ARK2C: variants seen among roughly 807,000 people sequenced by gnomAD.
ARK2C encodes the protein arkadia (RNF111) C-terminal like ring finger ubiquitin ligase 2C.
the ARK2C span, chr18:46,336,637 A>G: frequency 1.0e-6 from 1 of 985,458 alleles, no homozygotes; most frequent in Non-Finnish European, 1.2e-6. Context: ...TTTCCATTGT[A>G]GTAGTGTAGG....
the ARK2C span, among the ~76,000 whole-genome samples, chr18:46,401,275 G>A: frequency 6.6e-6 from 1 of 152,138 alleles, no homozygotes. Flanking sequence ...TCCCAGGCAT[G>A]GCCACACCAA....
the ARK2C span, among the ~76,000 whole-genome samples, chr18:46,426,210 T>C: frequency 6.6e-6 from 1 of 152,214 alleles, no homozygotes; most frequent in African/African-American, 2.4e-5. Context: ...TGTTCCCTTC[T>C]GCCCGTCCAC....
the ARK2C span, among the ~76,000 whole-genome samples, chr18:46,350,145 C>T: frequency 6.6e-6 from 1 of 152,206 alleles, no homozygotes; most frequent in African/African-American, 2.4e-5. Context: ...ACTGCCTTCC[C>T]CTTCTTTTCT....
At chr18:46,396,326 G>A in the ARK2C span, among the ~76,000 whole-genome samples, 1 of 152,176 alleles carries the variant, frequency 6.6e-6, no homozygotes, top group African/African-American at 2.4e-5. Context: ...TGCTCATCTG[G>A]TCTTCTGGCT....
chr18:46,386,157 CT>C, the ARK2C span: 1 of 152,248 alleles, frequency 6.6e-6, no homozygotes, highest in Non-Finnish European at 1.5e-5. Flanking sequence ...TGTTAGCTAC[CT>C]ACATGCCAGG....
At chr18:46,399,273 G>A in the ARK2C span, among the ~76,000 whole-genome samples, 3 of 152,164 alleles carry the variant, frequency 2.0e-5, no homozygotes, top group South Asian at 2.1e-4. Context: ...GCAGTGCTCC[G>A]GCAGCTTGGG....
At chr18:46,360,218 G>A in the ARK2C span, among the ~76,000 whole-genome samples, 1 of 152,192 alleles carries the variant, frequency 6.6e-6, no homozygotes, top group Admixed American at 6.5e-5. Flanking sequence ...TCTCCCGCAT[G>A]GGGCCCTCAG....
chr18:46,453,273 G>A, the ARK2C span, among the ~76,000 whole-genome samples: 1 of 152,152 alleles, frequency 6.6e-6, no homozygotes, highest in African/African-American at 2.4e-5. Context: ...ATCATTCTCT[G>A]GAGAGAGAGA....
chr18:46,370,867 G>T, the ARK2C span, among the ~76,000 whole-genome samples: 1 of 152,202 alleles, frequency 6.6e-6, no homozygotes, highest in African/African-American at 2.4e-5. Context: ...ATGAGCTTTG[G>T]AAGCCAATGG....
At chr18:46,383,550 G>GTTTTTTTTTTTTTT in the ARK2C span, among the ~76,000 whole-genome samples, 1 of 97,892 alleles carries the variant, frequency 1.0e-5, no homozygotes, top group Non-Finnish European at 2.0e-5. Flanking sequence ...GGTTTTCTCT[G>GTTTTTTTTTTTTTT]TTTTTTTTTT....
At chr18:46,419,639 G>T in the ARK2C span, among the ~76,000 whole-genome samples, 2,532 of 152,308 alleles carry the variant, frequency 0.017, 30 homozygotes, top group South Asian at 0.049. Context: ...AGTGGGCAGC[G>T]CACAGCTGGA....
the ARK2C span, chr18:46,447,711 A>T: frequency 6.2e-7 from 1 of 1,613,684 alleles, no homozygotes; most frequent in South Asian, 1.1e-5. Flanking sequence ...AAGAAGACGG[A>T]CTCCCTTGCG....
the ARK2C span, among the ~76,000 whole-genome samples, chr18:46,450,996 T>C: frequency 9.2e-4 from 140 of 152,114 alleles, 1 homozygote; most frequent in Admixed American, 1.6e-3. Flanking sequence ...GGAGGGAAGA[T>C]GGAAGGCCTC....
the ARK2C span, chr18:46,456,404 C>A: frequency 2.6e-6 from 2 of 765,588 alleles, no homozygotes; most frequent in African/African-American, 1.7e-5. Flanking sequence ...CCCATCTCAG[C>A]CACAGCCTCC....
chr18:46,433,398 C>G, the ARK2C span: 1 of 1,613,328 alleles, frequency 6.2e-7, no homozygotes, highest in Admixed American at 1.7e-5. Context: ...CCCTGCAGTT[C>G]CAGGACGTCA....
chr18:46,367,305 C>T, the ARK2C span, among the ~76,000 whole-genome samples: 36 of 152,288 alleles, frequency 2.4e-4, no homozygotes, highest in East Asian at 6.0e-3. Context: ...TTTCCATTTG[C>T]TTTAAAAGTC....
the ARK2C span, among the ~76,000 whole-genome samples, chr18:46,359,522 G>GCTGA: frequency 6.6e-6 from 1 of 152,250 alleles, no homozygotes; most frequent in East Asian, 1.9e-4. Context: ...GGAATAGCAA[G>GCTGA]CTGACTGGTG....
At chr18:46,397,379 G>A in the ARK2C span, among the ~76,000 whole-genome samples, 3 of 151,790 alleles carry the variant, frequency 2.0e-5, no homozygotes, top group Admixed American at 6.6e-5. Flanking sequence ...GCCTGTGTGT[G>A]TGTGTGGTCA....
the ARK2C span, among the ~76,000 whole-genome samples, chr18:46,452,292 T>A: frequency 6.6e-6 from 1 of 152,224 alleles, no homozygotes; most frequent in Non-Finnish European, 1.5e-5. Flanking sequence ...ATTGTTATTA[T>A]TTTTTGAGAC....
Sources: allele counts gnomAD v4.1 joint callset (sites outside exome capture counted in the v4.1 genomes callset), GRCh38; gene constraint gnomAD v4.1.1; transcripts MANE v1.5; gene names NCBI Gene and HGNC (gene_info 2026-07-23, HGNC 2026-07-21).